Variants in CACNA1D observed in about 807,000 individuals in gnomAD.
The protein encoded by CACNA1D is voltage-dependent L-type calcium channel subunit alpha-1D.
Under a neutral mutation model 257.1 loss-of-function variants are expected in CACNA1D, and 55 were observed. The ratio of observed to expected loss-of-function variants is 0.21; its 90% confidence interval spans 0.17 to 0.27. The LOEUF (loss-of-function observed/expected upper bound fraction) is 0.27, where lower values mean the gene tolerates loss of function less well. Among genes scored for constraint, CACNA1D ranks in the 10% least tolerant of loss-of-function variants. The probability of loss-of-function intolerance (pLI) is 1.00; values close to 1 mark genes in which losing one functional copy is unlikely to be tolerated. For synonymous variants in CACNA1D, 980 were observed against 1,014.9 expected (o/e 0.97, Z 0.65); for missense variants, 1,876 against 2,784.0 (o/e 0.67, Z 7.34).
chr3:53,511,653 C>T (rs1468140663), intron 3 of CACNA1D, among the ~76,000 whole-genome samples: 1 of 152,106 alleles, frequency 6.6e-6, no homozygotes, highest in Non-Finnish European at 1.5e-5. Flanking sequence ...TATAAAAACG[C>T]TGCTTTTTGA....
chr3:53,634,889 A>T (rs1335532666), intron 3 of CACNA1D, among the ~76,000 whole-genome samples: 1 of 152,208 alleles, frequency 6.6e-6, no homozygotes, highest in Non-Finnish European at 1.5e-5. Context: ...CACCATCCTC[A>T]TGGCTGCCTG....
At chr3:53,775,550 C>A (rs2095392103) in intron 34 of CACNA1D, among the ~76,000 whole-genome samples, 1 of 152,248 alleles carries the variant, frequency 6.6e-6, no homozygotes, top group Admixed American at 6.5e-5. Flanking sequence ...CAGAGCAAAA[C>A]CTTGTCTCAA....
At chr3:53,718,575 AC>A (rs1315432942) in intron 10 of CACNA1D, 187 bp downstream of exon 10, 11 of 392,324 alleles carry the variant, frequency 2.8e-5, no homozygotes, top group East Asian at 1.4e-4. Flanking sequence ...ACACCTCCCC[AC>A]CCCCCGCCCC....
At chr3:53,782,232 CACAT>C (rs1376753027) in intron 39 of CACNA1D, 1 of 138,860 alleles carries the variant, frequency 7.2e-6, no homozygotes, top group African/African-American at 2.8e-5. Flanking sequence ...TATATATACA[CACAT>C]ACAGTGTGTG....
At chr3:53,650,974 G>A (rs1219573414) in intron 4 of CACNA1D, 56 bp downstream of exon 4, 1 of 1,305,062 alleles carries the variant, frequency 7.7e-7, no homozygotes, top group African/African-American at 1.5e-5. Context: ...GGTGGAGGTT[G>A]GGGGGGGTGG....
chr3:53,577,122 C>T (rs1441395723), intron 3 of CACNA1D, among the ~76,000 whole-genome samples: 1 of 152,140 alleles, frequency 6.6e-6, no homozygotes, highest in African/African-American at 2.4e-5. Context: ...ATCGCTGGCC[C>T]CATTGTTTAC....
chr3:53,629,078 T>C (rs927625450), intron 3 of CACNA1D, among the ~76,000 whole-genome samples: 3 of 152,238 alleles, frequency 2.0e-5, no homozygotes, highest in South Asian at 2.1e-4. Context: ...CTGTCACGGC[T>C]ACTCAGGTCT....
At chr3:53,745,126 A>C (rs952319087) in intron 23 of CACNA1D, among the ~76,000 whole-genome samples, 2 of 151,766 alleles carry the variant, frequency 1.3e-5, no homozygotes, top group Non-Finnish European at 2.9e-5. Flanking sequence ...TTAGTCTTTC[A>C]GTTTTCATGT....
intron 28 of CACNA1D, among the ~76,000 whole-genome samples, chr3:53,752,238 G>A (rs1253946555): frequency 1.3e-5 from 2 of 152,140 alleles, no homozygotes; most frequent in Non-Finnish European, 2.9e-5. Context: ...ATACACAGCT[G>A]TTTCAATCCT....
In CACNA1D at chr3:53,495,035, C is replaced by A; in HGVS notation, c.-132C>A. On this transcript the variant is annotated 5_prime_UTR_variant, in exon 1 of 48. Coordinates refer to ENST00000350061, the MANE Select transcript of CACNA1D (RefSeq NM_001128840.3). The surrounding 1 kb of genome is among the most constrained non-coding windows in gnomAD (Gnocchi z 5.1). ...TTATTTGTCCCCGTCCCTCCCCACCCCCCTGCTGAAGCGAGAATAAGGGCA... is the reference window on the plus strand; with the variant it reads ...TTATTTGTCCCCGTCCCTCCCCACCACCCTGCTGAAGCGAGAATAAGGGCA... 1.9e-6 allele frequency: 1 copy of A among 527,698 alleles called. No individual in the cohort carries two copies. The highest frequency in any genetic ancestry group is 5.0e-5 in the East Asian group (1 of 19,900). 32.7% of individuals were successfully genotyped at this position (527,698 alleles called of 1,614,324 possible).
chr3:53,495,099 A>T lies in CACNA1D; in HGVS notation c.-68A>T. 9.4e-7 allele frequency: 1 copy of T among 1,068,494 alleles called. No homozygotes were observed. The highest frequency in any genetic ancestry group is 1.3e-5 in the South Asian group (1 of 76,890). The allele number at this position is 1,068,494 out of a possible 1,614,324, so 66.2% of individuals were successfully genotyped here. ...CTACCTCTTGGTGATCCCCTTCCCC[A>T]TTCCGCCCCCGCCTCAACGCCCAGC... On this transcript the variant is annotated 5_prime_UTR_variant, in exon 1 of 48. Coordinates refer to ENST00000350061, the MANE Select transcript of CACNA1D (RefSeq NM_001128840.3). This position sits in a 1 kb window ranked among gnomAD's most constrained non-coding sequence, Gnocchi z 5.1.
intron 3 of CACNA1D, among the ~76,000 whole-genome samples, chr3:53,507,285 C>T (rs1050915696): frequency 4.6e-5 from 7 of 152,058 alleles, no homozygotes; most frequent in South Asian, 2.1e-4. Flanking sequence ...TGAGTATTGA[C>T]GGCTTTTCCA....
At chr3:53,773,686 A>G (rs181367341) in intron 33 of CACNA1D, 1 of 139,958 alleles carries the variant, frequency 7.1e-6, no homozygotes, top group Non-Finnish European at 1.6e-5. Flanking sequence ...TTTTTTTTTT[A>G]AAATCCTGAA....
intron 3 of CACNA1D, among the ~76,000 whole-genome samples, chr3:53,533,251 C>A (rs2092005724): frequency 6.6e-6 from 1 of 152,112 alleles, no homozygotes; most frequent in African/African-American, 2.4e-5. Context: ...TGATTCCCTC[C>A]CCATTTTCAT....
intron 3 of CACNA1D, among the ~76,000 whole-genome samples, chr3:53,531,134 G>A (rs965484807): frequency 6.6e-6 from 1 of 151,280 alleles, no homozygotes; most frequent in East Asian, 1.9e-4. Context: ...TTATAGGCAT[G>A]AGCCACTGTG....
At chr3:53,783,337 G>A (rs868438245) in intron 39 of CACNA1D, among the ~76,000 whole-genome samples, 6 of 152,138 alleles carry the variant, frequency 3.9e-5, no homozygotes, top group Admixed American at 2.6e-4. Flanking sequence ...GCTCGCCATC[G>A]AAGCTCCCTT....
chr3:53,699,553 A>G (rs937685423), intron 8 of CACNA1D, among the ~76,000 whole-genome samples: 8 of 152,222 alleles, frequency 5.3e-5, no homozygotes, highest in African/African-American at 1.9e-4. Flanking sequence ...CGAAGAGCCC[A>G]GAGTGGTGTA....
intron 3 of CACNA1D, among the ~76,000 whole-genome samples, chr3:53,573,591 C>A (rs2092986073): frequency 6.6e-6 from 1 of 152,170 alleles, no homozygotes; most frequent in African/African-American, 2.4e-5. Flanking sequence ...TGTGCTTCTC[C>A]CTATCCACCA....
chr3:53,646,296 A>G (rs1269451778), intron 3 of CACNA1D, among the ~76,000 whole-genome samples: 3 of 152,228 alleles, frequency 2.0e-5, no homozygotes, highest in African/African-American at 7.2e-5. Context: ...TATTGAGATC[A>G]GCTGTTGTCC....
Sources: allele counts gnomAD v4.1 joint callset (sites outside exome capture counted in the v4.1 genomes callset), GRCh38; gene constraint gnomAD v4.1.1; non-coding constraint Gnocchi (gnomAD v3.1); transcripts MANE v1.5; gene names NCBI Gene and HGNC (gene_info 2026-07-23, HGNC 2026-07-21).